The following PDE2A variants were observed in gnomAD, a reference collection of about 807,000 sequenced individuals.
The protein encoded by PDE2A is phosphodiesterase 2A.
PDE2A carries 53 observed loss-of-function variants against 133.6 expected under a neutral mutation model. That is an observed-to-expected ratio of 0.40 (90% CI 0.32 to 0.50). The LOEUF is 0.50. PDE2A is among the 20% of genes least tolerant of loss of function. The pLI is 0.73. For synonymous variants in PDE2A, 491 were observed against 490.2 expected (o/e 1.00, Z -0.02); for missense variants, 796 against 1,232.4 (o/e 0.65, Z 5.30).
chr11:72,631,039 C>G (rs758965905), intron 2 of PDE2A: 2 of 1,466,676 alleles, frequency 1.4e-6, no homozygotes, highest in Non-Finnish European at 1.9e-6. Context: ...CGCCCCACCC[C>G]CTCAAGCCCA....
intron 2 of PDE2A, among the ~76,000 whole-genome samples, chr11:72,617,498 GT>G (rs1448164244): frequency 6.6e-6 from 1 of 152,216 alleles, no homozygotes; most frequent in Non-Finnish European, 1.5e-5. Context: ...ACCTCTCTCT[GT>G]CTGTGCTCTG....
intron 1 of PDE2A, among the ~76,000 whole-genome samples, chr11:72,663,752 A>G (rs1855147958): frequency 6.6e-6 from 1 of 152,028 alleles, no homozygotes; most frequent in African/African-American, 2.4e-5. Context: ...AGAAAGAAAA[A>G]AAAGAAAACC....
rs747076173 is a variant in PDE2A at position 72,626,471 on chromosome 11, G to A, written c.144+15783C>T. Among the ~76,000 whole-genome samples, 3 of 152,246 alleles carry A rather than the reference G, an allele frequency of 2.0e-5. No homozygotes were observed. The East Asian group carries it at 5.8e-4, about 29-fold the overall frequency. ...ATTGTAGAGGCCACTGGCTCCTGAT[G>A]TGCAGAATCCAGGAGGAAGTAGCAC... is the stretch of plus-strand genomic sequence containing the variant. On this transcript the variant is annotated intron_variant, in intron 2 of 30. Transcript: ENST00000334456.
At chr11:72,643,338 G>T (rs981942215) in intron 1 of PDE2A, 2 of 152,362 alleles carry the variant, frequency 1.3e-5, no homozygotes, top group African/African-American at 4.8e-5. Flanking sequence ...TGCTTGGCAT[G>T]AAAGCGGTTG....
intron 2 of PDE2A, chr11:72,615,080 G>A (rs755512215): frequency 4.0e-6 from 2 of 506,230 alleles, no homozygotes; most frequent in South Asian, 1.4e-5. Flanking sequence ...CAACAGGGCC[G>A]CGTCTCCAGC....
intron 2 of PDE2A, among the ~76,000 whole-genome samples, chr11:72,612,836 C>T (rs998621684): frequency 3.3e-5 from 5 of 152,146 alleles, no homozygotes; most frequent in African/African-American, 2.4e-5. Context: ...ACCATTACCA[C>T]GGACTTAGCT....
At chr11:72,587,230 A>G (rs1030485123) in intron 13 of PDE2A, among the ~76,000 whole-genome samples, 1 of 152,192 alleles carries the variant, frequency 6.6e-6, no homozygotes, top group Non-Finnish European at 1.5e-5. Flanking sequence ...TACAGAGGAA[A>G]CACTTCGGAG....
chr11:72,639,573 A>C (rs1364681672), intron 2 of PDE2A, among the ~76,000 whole-genome samples: 1 of 152,084 alleles, frequency 6.6e-6, no homozygotes, highest in East Asian at 1.9e-4. Flanking sequence ...GCGGAGCACG[A>C]AGTGGTGTAG....
chr11:72,586,169 C>T lies in PDE2A; in HGVS notation c.1083G>A (p.Glu361=). The part of the protein sequence containing the change: ...NKLEGDLFTD[E]DEHVIQHCFH... ...AGCAGTGCTGGATCACATGCTCGTC[C>T]TCGTCGGTGAACCTGGAGGAGGGGG... Residue 361 remains glutamate (E), a synonymous_variant, in exon 14 of 31, where the codon GAG becomes GAA. Transcript: ENST00000334456. The T allele has an allele frequency of 6.2e-7, 1 of 1,608,970 alleles. No individual in the cohort carries two copies. The highest frequency in any genetic ancestry group is 1.1e-5 in the South Asian group (1 of 90,380).
rs1252369959 is a variant in PDE2A at position 72,589,284 on chromosome 11, G to A, written c.874-44C>T. On this transcript the variant is annotated intron_variant, in intron 11 of 30. Transcript: ENST00000334456. Reference sequence around the variant, plus strand: ...CTGAGTCAGGGCCCAGTACTCCCCAGGTCAGGGGATCTCAACCTGTCCCCA... The same window carrying A: ...CTGAGTCAGGGCCCAGTACTCCCCAAGTCAGGGGATCTCAACCTGTCCCCA... 4.1e-6 allele frequency: 6 copies of A among 1,455,524 alleles called. No homozygotes were observed. The Admixed American group carries it at 1.0e-4, about 25-fold the overall frequency. 90.2% of individuals were successfully genotyped at this position (1,455,524 alleles called of 1,614,324 possible). A position where few individuals can be genotyped will look rare whatever the true frequency, so the allele number is the denominator to read the frequency against.
chr11:72,657,783 T>G (rs1381304197), intron 1 of PDE2A: 1 of 454,076 alleles, frequency 2.2e-6, no homozygotes. Flanking sequence ...AGCTGTGCCC[T>G]TCCCTCAGCC....
chr11:72,613,610 T>C (rs1857322803), intron 2 of PDE2A, among the ~76,000 whole-genome samples: 1 of 151,992 alleles, frequency 6.6e-6, no homozygotes, highest in Admixed American at 6.6e-5. Context: ...CTCTCATAGC[T>C]TCTCCTCCCA....
intron 2 of PDE2A, among the ~76,000 whole-genome samples, chr11:72,631,615 AATGTGAGACC>A (rs1326971485): frequency 6.6e-6 from 1 of 152,148 alleles, no homozygotes; most frequent in East Asian, 1.9e-4. Flanking sequence ...GTCTCAAATG[AATGTGAGACC>A]ATGTGGGAGC....
At chr11:72,582,173 C>T (rs1160238779) in intron 21 of PDE2A, 1 of 610,072 alleles carries the variant, frequency 1.6e-6, no homozygotes, top group Non-Finnish European at 2.9e-6. Context: ...GTTAGAAAAA[C>T]AGGGTTGGGA....
Position 72,578,653 on chromosome 11 carries a change from T to A in PDE2A, c.2470-139A>T. ...AGGAGCCGTCCCCACCAGCCCCAGC[T>A]TGGCAGTGGGATGGCCTGAGGCAGG... is the stretch of plus-strand genomic sequence containing the variant. On this transcript the variant is annotated intron_variant, in intron 28 of 30. Transcript: ENST00000334456. The surrounding 1 kb of genome is among the most constrained non-coding windows in gnomAD (Gnocchi z 4.2). 1.3e-6 allele frequency: 1 copy of A among 798,356 alleles called. No homozygotes were observed. Among genetic ancestry groups the A allele is most frequent in the East Asian group, 2.6e-5 (1 of 38,796 alleles). The allele number at this position is 798,356 out of a possible 1,614,324, so 49.5% of individuals were successfully genotyped here. A position where few individuals can be genotyped will look rare whatever the true frequency, so the allele number is the denominator to read the frequency against.
At chr11:72,626,730 G>A (rs959070804) in intron 2 of PDE2A, among the ~76,000 whole-genome samples, 3 of 152,212 alleles carry the variant, frequency 2.0e-5, no homozygotes, top group Middle Eastern at 3.4e-3. Context: ...CCTGGCTCCC[G>A]CCCCTGCCTA....
intron 3 of PDE2A, among the ~76,000 whole-genome samples, chr11:72,607,023 C>T (rs1270381966): frequency 6.6e-6 from 1 of 152,130 alleles, no homozygotes; most frequent in East Asian, 1.9e-4. Flanking sequence ...GCGGGGGTCC[C>T]CTCCCCATCT....
intron 1 of PDE2A, among the ~76,000 whole-genome samples, chr11:72,645,950 T>C (rs1197908064): frequency 6.6e-6 from 1 of 152,220 alleles, no homozygotes; most frequent in Non-Finnish European, 1.5e-5. Context: ...CCAGGCCATC[T>C]CACTCCAGTC....
chr11:72,589,364 G>A, intron 11 of PDE2A, 124 bp from the exon 12 acceptor site: 2 of 740,562 alleles, frequency 2.7e-6, no homozygotes, highest in Non-Finnish European at 4.7e-6. Context: ...TGGTGGACAG[G>A]GTCAGCATTG....
Sources: gnomAD v4.1 joint callset for allele counts (sites outside exome capture counted in the v4.1 genomes callset) on GRCh38, gnomAD v4.1.1 for gene constraint, Gnocchi (gnomAD v3.1) non-coding constraint, MANE v1.5 for transcripts, NCBI Gene and HGNC (gene_info 2026-07-23, HGNC 2026-07-21) for gene names.